The following WDR44 variants were observed in gnomAD, a reference collection of about 807,000 sequenced individuals.
WDR44 encodes the protein WD repeat-containing protein 44.
Under a neutral mutation model 65.7 loss-of-function variants are expected in WDR44, and 9 were observed. The observed-to-expected ratio is 0.14, with a 90% confidence interval of 0.08 to 0.24. The LOEUF is 0.24. WDR44 is among the 10% of genes least tolerant of loss of function. WDR44 has a pLI of 1.00. For synonymous variants in WDR44, 220 were observed against 235.2 expected (o/e 0.94, Z 0.59); for missense variants, 425 against 670.9 (o/e 0.63, Z 4.05).
chrX:118,409,754 A>G, intron 11 of WDR44, 127 bp downstream of exon 11: 5 of 673,826 alleles, frequency 7.4e-6, no homozygotes, highest in Non-Finnish European at 1.1e-5. Context: ...AAAACTTGAA[A>G]GTAAGACAGA....
Position 118,394,150 on chromosome X carries a change from A to G in WDR44, c.922A>G (p.Ser308Gly), listed in dbSNP as rs2056846241. The change falls in exon 5 of 20, where the codon AGT becomes GGT. Residue 308 changes from serine to glycine, a missense_variant. By Grantham distance (56) the Ser-to-Gly change is moderately conservative (BLOSUM62 0). Coordinates refer to ENST00000254029, the MANE Select transcript of WDR44 (RefSeq NM_019045.5). The stretch of plus-strand genomic sequence containing the variant: ...TTCTCAGCCTTCTCTTGATTTGGCA[A>G]GTGCTACCAGTGGAGATAAAATAGT... ...KDSQPSLDLA[S>G]ATSGDKIVTA... 1 of 1,210,800 alleles carries G rather than the reference A, an allele frequency of 8.3e-7. No homozygotes were observed.
chrX:118,376,328 C>T (rs2056659396), intron 1 of WDR44, among the ~76,000 whole-genome samples: 2 of 111,058 alleles, frequency 1.8e-5, no homozygotes, highest in African/African-American at 6.5e-5. Context: ...GTCAAGGATT[C>T]CTCTACCAAA....
intron 1 of WDR44, among the ~76,000 whole-genome samples, chrX:118,348,065 G>A (rs2056369231): frequency 9.0e-6 from 1 of 111,284 alleles, no homozygotes; most frequent in Non-Finnish European, 1.9e-5. Flanking sequence ...ATTGGGGTGG[G>A]GGAGGGAAAT....
intron 2 of WDR44, 108 bp downstream of exon 2, chrX:118,378,560 T>G: frequency 1.3e-6 from 1 of 742,540 alleles, no homozygotes; most frequent in East Asian, 3.2e-5. Flanking sequence ...ACTTACTTTT[T>G]GCTCAGTAAT....
intron 19 of WDR44, among the ~76,000 whole-genome samples, chrX:118,447,875 A>AATATATATATATATATATAT (rs10570740): frequency 7.3e-4 from 40 of 54,777 alleles, no homozygotes; most frequent in African/African-American, 2.3e-3. Flanking sequence ...CTCTATCTAA[A>AATATATATATATATATATAT]ATATATATAT....
chrX:118,428,503 T>C (rs2057179015), intron 12 of WDR44, among the ~76,000 whole-genome samples: 1 of 111,519 alleles, frequency 9.0e-6, no homozygotes, highest in Admixed American at 9.6e-5. Flanking sequence ...ATATTCTTTA[T>C]CTCTGAGTGA....
chrX:118,447,295 G>T (rs1046063702), intron 19 of WDR44, among the ~76,000 whole-genome samples: 2 of 110,242 alleles, frequency 1.8e-5, no homozygotes, highest in African/African-American at 6.6e-5. Flanking sequence ...AAAGTACAGG[G>T]TTTTTTTTAA....
chrX:118,379,509 G>A (rs986281045), intron 2 of WDR44, among the ~76,000 whole-genome samples: 1 of 111,243 alleles, frequency 9.0e-6, no homozygotes, highest in African/African-American at 3.3e-5. Flanking sequence ...ATACAGTAAC[G>A]TTTCATTTAT....
Position 118,395,818 on chromosome X carries a change from T to G in WDR44, c.1053+474T>G, listed in dbSNP as rs897124511. ...TGGGCAGGTCACTTGAGGTCAGGAG[T>G]TTGAGACCAGCCTGGCCAACATGGC... is the stretch of plus-strand genomic sequence containing the variant. On this transcript the variant is annotated intron_variant, in intron 6 of 19. Transcript: ENST00000254029. Among the ~76,000 whole-genome samples the G allele has an allele frequency of 2.7e-5, 3 of 110,717 alleles. No homozygotes were observed. The East Asian group carries it at 8.5e-4, about 31-fold the overall frequency.
At chrX:118,427,417 C>T (rs1258654715) in intron 12 of WDR44, among the ~76,000 whole-genome samples, 3 of 108,320 alleles carry the variant, frequency 2.8e-5, no homozygotes, top group African/African-American at 6.8e-5. Flanking sequence ...ACTACAGGCG[C>T]CTGCCACCAC....
intron 5 of WDR44, among the ~76,000 whole-genome samples, chrX:118,394,483 G>T (rs1391880598): frequency 8.9e-6 from 1 of 111,774 alleles, no homozygotes; most frequent in Non-Finnish European, 1.9e-5. Context: ...AAAAACGACA[G>T]ATGCTACTAT....
intron 3 of WDR44, among the ~76,000 whole-genome samples, chrX:118,392,297 T>A (rs761038981): frequency 8.9e-6 from 1 of 112,164 alleles, no homozygotes; most frequent in South Asian, 3.7e-4. Context: ...TGAACTTGAT[T>A]TTACAGGATT....
At chrX:118,381,604 A>T (rs1409954906) in intron 2 of WDR44, among the ~76,000 whole-genome samples, 1 of 85,185 alleles carries the variant, frequency 1.2e-5, no homozygotes, top group Admixed American at 1.5e-4. Flanking sequence ...ATGGAGTCTC[A>T]CTCTGTCACC....
In WDR44 at chrX:118,392,690, T is replaced by G. The variant is rs768336272; in HGVS notation, c.245T>G (p.Leu82Trp). 10 of 1,209,044 alleles carry G rather than the reference T, an allele frequency of 8.3e-6. No individual in the cohort carries two copies. In the South Asian group the frequency reaches 8.8e-5, roughly 11 times the overall value. Residue 82 changes from leucine (L) to tryptophan (W), a missense_variant, in exon 4 of 20, where the codon TTG becomes TGG. Transcript: ENST00000254029. ...QKVLQLEDDS[L>W]DSKGKELSDQ... ...GTACTACAGCTTGAAGATGACTCTT[T>G]GGATTCCAAAGGAAAAGAACTCTCT...
intron 11 of WDR44, among the ~76,000 whole-genome samples, chrX:118,410,592 T>C (rs1444665216): frequency 8.9e-6 from 1 of 111,819 alleles, no homozygotes; most frequent in East Asian, 2.8e-4. Flanking sequence ...GCTCCTTTAT[T>C]GTTCCTCTTG....
Position 118,432,825 on chromosome X carries a change from C to T in WDR44, c.1782C>T (p.Pro594=), listed in dbSNP as rs1224697698. The T allele has an allele frequency of 5.0e-6, 6 of 1,211,721 alleles. No homozygotes were observed. Among genetic ancestry groups the T allele is most frequent in the Non-Finnish European group, 6.7e-6 (6 of 895,295 alleles). Reference sequence around the variant, plus strand: ...AAGACCCTGATGATAAAAACGCACCCTTTCGGCAACGGCCATTTTGCAAAT... The same window carrying T: ...AAGACCCTGATGATAAAAACGCACCTTTTCGGCAACGGCCATTTTGCAAAT... The part of the protein sequence containing the change: ...TDEDPDDKNA[P]FRQRPFCKYK... Residue 594 remains proline, a synonymous_variant, in exon 13 of 20, where the codon CCC becomes CCT. Coordinates refer to ENST00000254029, the MANE Select transcript of WDR44 (RefSeq NM_019045.5).
intron 3 of WDR44, among the ~76,000 whole-genome samples, chrX:118,388,395 C>T (rs934596312): frequency 1.8e-5 from 2 of 111,401 alleles, no homozygotes; most frequent in Non-Finnish European, 3.8e-5. Flanking sequence ...ATCCTCCCAC[C>T]TCACCCTCCT....
At chrX:118,378,709 C>CGTGTGTGTGTGTGTGTGTGTGTGT (rs61698360) in intron 2 of WDR44, among the ~76,000 whole-genome samples, 974 of 94,426 alleles carry the variant, frequency 0.01, 20 homozygotes, top group East Asian at 0.048. Flanking sequence ...AATAAAAGAA[C>CGTGTGTGTGTGTGTGTGTGTGTGT]GTGTGTGTGT....
intron 13 of WDR44, among the ~76,000 whole-genome samples, chrX:118,436,217 C>T (rs1378424512): frequency 8.9e-6 from 1 of 111,999 alleles, no homozygotes; most frequent in Non-Finnish European, 1.9e-5. Context: ...GACAGGTGCA[C>T]AATAACTTTT....
Sources: gnomAD v4.1 joint callset for allele counts (sites outside exome capture counted in the v4.1 genomes callset) on GRCh38, gnomAD v4.1.1 for gene constraint, MANE v1.5 for transcripts, NCBI Gene and HGNC (gene_info 2026-07-23, HGNC 2026-07-21) for gene names.